The following CDH13 variants were observed in gnomAD, a reference collection of about 807,000 sequenced individuals.
CDH13 encodes the protein cadherin 13.
Under a neutral mutation model 63.8 loss-of-function variants are expected in CDH13, and 24 were observed. The observed-to-expected ratio is 0.38, with a 90% CI of 0.27 to 0.53. CDH13 has a LOEUF of 0.53. CDH13 is among the 20% of genes least tolerant of loss of function. The pLI, the probability that CDH13 is intolerant of heterozygous loss-of-function variation, is 0.85. For synonymous variants in CDH13, 503 were observed against 355.3 expected (o/e 1.42, Z -4.67); for missense variants, 1,049 against 903.1 (o/e 1.16, Z -2.07).
intron 1 of CDH13, among the ~76,000 whole-genome samples, chr16:82,648,464 C>G (rs1028847057): frequency 6.6e-6 from 1 of 152,100 alleles, no homozygotes; most frequent in Admixed American, 6.5e-5. Context: ...TAGAATATTA[C>G]ATAACCATTA....
At chr16:82,856,401 A>G (rs78072848) in intron 1 of CDH13, among the ~76,000 whole-genome samples, 2 of 149,130 alleles carry the variant, frequency 1.3e-5, no homozygotes, top group African/African-American at 4.9e-5. Context: ...AAAAGAAAAG[A>G]AAAGAAAAGA....
intron 3 of CDH13, among the ~76,000 whole-genome samples, chr16:83,052,917 T>G (rs1044741059): frequency 2.0e-5 from 3 of 152,054 alleles, no homozygotes; most frequent in African/African-American, 7.2e-5. Context: ...GTTGTACAGA[T>G]TGGGCCAAAG....
At chr16:83,102,116 G>T (rs774153794) in intron 3 of CDH13, among the ~76,000 whole-genome samples, 33 of 152,196 alleles carry the variant, frequency 2.2e-4, no homozygotes, top group Admixed American at 6.5e-4. Flanking sequence ...ATGAAGGAAG[G>T]GTCCATGAGC....
At chr16:83,703,372 GA>G (rs1906534398) in intron 10 of CDH13, among the ~76,000 whole-genome samples, 1 of 152,204 alleles carries the variant, frequency 6.6e-6, no homozygotes, top group African/African-American at 2.4e-5. Context: ...CAAAAAGTTA[GA>G]AAACAGCCCC....
intron 5 of CDH13, among the ~76,000 whole-genome samples, chr16:83,288,341 A>C (rs887761033): frequency 1.3e-5 from 2 of 152,210 alleles, no homozygotes; most frequent in African/African-American, 4.8e-5. Context: ...TAATAATGGA[A>C]GAGCAAAGAG....
intron 6 of CDH13, among the ~76,000 whole-genome samples, chr16:83,372,296 T>G (rs1451749597): frequency 6.6e-6 from 1 of 152,176 alleles, no homozygotes; most frequent in African/African-American, 2.4e-5. Context: ...GAAGTCTGAT[T>G]TCAAAGTTGT....
intron 3 of CDH13, among the ~76,000 whole-genome samples, chr16:83,051,299 A>T (rs554592702): frequency 6.6e-6 from 1 of 152,200 alleles, no homozygotes; most frequent in African/African-American, 2.4e-5. Context: ...TGAAAATGGT[A>T]TGTTTCCTTC....
chr16:83,740,990 A>G (rs1912005795), intron 10 of CDH13, among the ~76,000 whole-genome samples: 2 of 152,202 alleles, frequency 1.3e-5, no homozygotes, highest in Non-Finnish European at 2.9e-5. Flanking sequence ...GTCCAGATGG[A>G]TCCTCTAGGG....
chr16:83,010,125 A>T (rs1913972428), intron 2 of CDH13, among the ~76,000 whole-genome samples: 1 of 119,816 alleles, frequency 8.3e-6, no homozygotes, highest in Admixed American at 8.9e-5. Context: ...ACAAGAGCAA[A>T]ACTCTGTCTC....
intron 7 of CDH13, among the ~76,000 whole-genome samples, chr16:83,539,435 T>G (rs1163427745): frequency 6.6e-6 from 1 of 152,172 alleles, no homozygotes; most frequent in Non-Finnish European, 1.5e-5. Flanking sequence ...AGCACTGGTG[T>G]GTAGCCAGGG....
intron 4 of CDH13, among the ~76,000 whole-genome samples, chr16:83,132,618 A>AT (rs1208289370): frequency 3.3e-5 from 5 of 151,270 alleles, no homozygotes; most frequent in South Asian, 2.1e-4. Context: ...TAATTTTTGT[A>AT]TTTTTTTAGT....
intron 4 of CDH13, among the ~76,000 whole-genome samples, chr16:83,149,350 T>G (rs1437639714): frequency 6.6e-6 from 1 of 152,204 alleles, no homozygotes; most frequent in Non-Finnish European, 1.5e-5. Context: ...GAGAAAGACA[T>G]GGCAATGACA....
chr16:83,155,720 G>A (rs1039894642), intron 4 of CDH13, among the ~76,000 whole-genome samples: 2 of 152,188 alleles, frequency 1.3e-5, no homozygotes, highest in African/African-American at 4.8e-5. Context: ...GTGAGATGAG[G>A]AGAGGAAACA....
chr16:82,989,448 G>T (rs1019188313), intron 2 of CDH13, among the ~76,000 whole-genome samples: 2 of 152,178 alleles, frequency 1.3e-5, no homozygotes, highest in East Asian at 3.9e-4. Context: ...CATGTCCCAG[G>T]AATATCAGGA....
At chr16:83,260,761 C>G (rs1754696356) in intron 5 of CDH13, among the ~76,000 whole-genome samples, 1 of 152,140 alleles carries the variant, frequency 6.6e-6, no homozygotes, top group Non-Finnish European at 1.5e-5. Flanking sequence ...CTTATTGTCT[C>G]ATTACTCACA....
intron 5 of CDH13, among the ~76,000 whole-genome samples, chr16:83,336,375 C>T (rs1459686628): frequency 6.6e-6 from 1 of 151,622 alleles, no homozygotes; most frequent in Admixed American, 6.6e-5. Context: ...TAGACGGGTT[C>T]CAATAGAAGT....
intron 1 of CDH13, among the ~76,000 whole-genome samples, chr16:82,770,164 G>C (rs146217949): frequency 6.6e-6 from 1 of 152,216 alleles, no homozygotes; most frequent in South Asian, 2.1e-4. Context: ...CTGTGATTTG[G>C]TCTTATTAGA....
intron 5 of CDH13, among the ~76,000 whole-genome samples, chr16:83,318,588 G>C (rs1398793964): frequency 1.3e-5 from 2 of 152,172 alleles, no homozygotes; most frequent in African/African-American, 4.8e-5. Context: ...ATCTAGAAAG[G>C]AATCTCTGTG....
intron 2 of CDH13, among the ~76,000 whole-genome samples, chr16:82,966,139 C>G (rs1026338635): frequency 6.6e-6 from 1 of 152,000 alleles, no homozygotes; most frequent in Admixed American, 6.5e-5. Flanking sequence ...ACTATTTTTC[C>G]TATTTTTGTT....
Sources: gnomAD v4.1 joint callset for allele counts (sites outside exome capture counted in the v4.1 genomes callset) on GRCh38, gnomAD v4.1.1 for gene constraint, MANE v1.5 for transcripts, NCBI Gene and HGNC (gene_info 2026-07-23, HGNC 2026-07-21) for gene names.